Variants in MAPK8IP3 observed in about 807,000 individuals in gnomAD.
MAPK8IP3 encodes mitogen-activated protein kinase 8 interacting protein 3, also known as C-Jun-amino-terminal kinase-interacting protein 3.
In MAPK8IP3, 49 loss-of-function variants were observed where a neutral mutation model predicts 157.8. The ratio of observed to expected loss-of-function variants is 0.31; its 90% CI spans 0.25 to 0.39. The LOEUF (loss-of-function observed/expected upper bound fraction) is 0.39. Among genes scored for constraint, MAPK8IP3 ranks in the 10% least tolerant of loss-of-function variants. The probability of loss-of-function intolerance (pLI) is 1.00; values close to 1 mark genes in which losing one functional copy is unlikely to be tolerated. For synonymous variants in MAPK8IP3, 897 were observed against 777.7 expected (o/e 1.15, Z -2.55); for missense variants, 1,478 against 1,889.4 (o/e 0.78, Z 4.04).
chr16:1,762,160 C>T (rs948628632), intron 13 of MAPK8IP3, among the ~76,000 whole-genome samples, 191 bp from the exon 14 acceptor site: 7 of 152,234 alleles, frequency 4.6e-5, no homozygotes, highest in African/African-American at 1.7e-4. Flanking sequence ...CTGTCAGCAC[C>T]CAAGTCCTGG....
intron 2 of MAPK8IP3, among the ~76,000 whole-genome samples, chr16:1,726,256 G>C (rs942409936): frequency 2.0e-5 from 3 of 152,220 alleles, no homozygotes; most frequent in African/African-American, 7.2e-5. Context: ...TAAGACCCGT[G>C]CTGAGCATAC....
intron 16 of MAPK8IP3, among the ~76,000 whole-genome samples, chr16:1,763,456 G>A (rs926908028): frequency 2.0e-5 from 3 of 152,222 alleles, no homozygotes; most frequent in African/African-American, 4.8e-5. Context: ...GGGCATAGCC[G>A]GTGCCAGGAA....
chr16:1,727,619 T>C (rs755243950), intron 2 of MAPK8IP3, among the ~76,000 whole-genome samples: 7 of 152,128 alleles, frequency 4.6e-5, no homozygotes, highest in African/African-American at 7.2e-5. Flanking sequence ...AAGTCGTGCA[T>C]GTGAGGTGCT....
At chr16:1,717,046 G>A (rs555160938) in intron 1 of MAPK8IP3, among the ~76,000 whole-genome samples, 1 of 151,414 alleles carries the variant, frequency 6.6e-6, no homozygotes, top group Non-Finnish European at 1.5e-5. Context: ...GCAACAGAGC[G>A]AGATGCCGTC....
Position 1,769,086 on chromosome 16 carries a change from C to CA in MAPK8IP3, c.*263dup. The CA allele has an allele frequency of 1.9e-6, 1 of 522,310 alleles. No individual in the cohort carries two copies. The highest frequency in any genetic ancestry group is 3.5e-6 in the Non-Finnish European group (1 of 288,978). 32.4% of individuals were successfully genotyped at this position (522,310 alleles called of 1,614,324 possible). On this transcript the variant is annotated 3_prime_UTR_variant, in exon 32 of 32. Transcript: ENST00000610761. Reference sequence around the variant, plus strand: ...GGCAGCTCCTGGCCAGCTTCCAGCCCAGAGTCCTCAAGTCCAGGGCACCTT... The same window carrying CA: ...GGCAGCTCCTGGCCAGCTTCCAGCCCAAGAGTCCTCAAGTCCAGGGCACCTT...
Position 1,714,414 on chromosome 16 carries a change from C to T in MAPK8IP3, c.318+7757C>T, listed in dbSNP as rs1033062774. Among the ~76,000 whole-genome samples, 6 of 146,068 alleles carry T rather than the reference C, an allele frequency of 4.1e-5. No homozygotes were observed. The East Asian group carries it at 9.6e-4, about 23-fold the overall frequency. On this transcript the variant is annotated intron_variant, in intron 1 of 31. Transcript: ENST00000610761. Reference sequence around the variant, plus strand: ...TGCATTTTCTTTTGAGCCACTGTTACGGCAAGAGATCCAGGGCGTGCCACG... The same window carrying T: ...TGCATTTTCTTTTGAGCCACTGTTATGGCAAGAGATCCAGGGCGTGCCACG...
rs1337928604 is a variant in MAPK8IP3 at position 1,724,521 on chromosome 16, C to T, written c.319-36C>T. 5 of 1,608,882 alleles carry T rather than the reference C, an allele frequency of 3.1e-6. No homozygotes were observed. The highest frequency in any genetic ancestry group is 1.7e-5 in the Admixed American group (1 of 59,976). On this transcript the variant is annotated intron_variant, in intron 1 of 31. Transcript: ENST00000610761. This position sits in a 1 kb window ranked among gnomAD's most constrained non-coding sequence, Gnocchi z 4.1. ...GAAAGGCGGCTGCTCCACACTCACT[C>T]CTGATGACTGCTCTTTCCCTCCCTT...
At chr16:1,729,256 G>C in intron 3 of MAPK8IP3, 48 bp downstream of exon 3, 3 of 1,586,148 alleles carry the variant, frequency 1.9e-6, no homozygotes, top group Non-Finnish European at 2.6e-6. Flanking sequence ...AGACAGGGCC[G>C]CGGCCTGACG....
rs955167712 is a variant in MAPK8IP3, at chr16:1,710,274, C to T, written c.318+3617C>T. Among the ~76,000 whole-genome samples the T allele has an allele frequency of 4.0e-5, 6 of 150,734 alleles. No homozygotes were observed. Among genetic ancestry groups the T allele is most frequent in the Non-Finnish European group, 7.4e-5 (5 of 67,790 alleles). ...GGTCAGGAGTTTGAGACCAGCCTGGCGAACCTGGCGAAACCCTGTCTCTAC... is the reference window on the plus strand; with the variant it reads ...GGTCAGGAGTTTGAGACCAGCCTGGTGAACCTGGCGAAACCCTGTCTCTAC... On this transcript the variant is annotated intron_variant, in intron 1 of 31. Transcript: ENST00000610761. The surrounding 1 kb of genome is among the most constrained non-coding windows in gnomAD (Gnocchi z 4.1).
Position 1,762,971 on chromosome 16 carries a change from G to C in MAPK8IP3, c.1863G>C (p.Ser621=), listed in dbSNP as rs2294616. The C allele has an allele frequency of 0.13, 215,414 of 1,612,790 alleles. 16,037 individuals are homozygous for C. Among genetic ancestry groups the C allele is most frequent in the East Asian group, 0.3 (13,420 of 44,868 alleles). ...QRRNHAMCPI[S]AGSRPLEFFP... Reference sequence around the variant, plus strand: ...GCAACCATGCCATGTGCCCGATCTCGGCAGGCAGCCGGCCCCTGGAATTCT... The same window carrying C: ...GCAACCATGCCATGTGCCCGATCTCCGCAGGCAGCCGGCCCCTGGAATTCT... The change falls in exon 16 of 32, where the codon TCG becomes TCC. Residue 621 remains serine, a synonymous_variant. Transcript: ENST00000610761.
chr16:1,717,205 C>T (rs1378004521), intron 1 of MAPK8IP3, among the ~76,000 whole-genome samples: 1 of 142,486 alleles, frequency 7.0e-6, no homozygotes, highest in African/African-American at 2.6e-5. Flanking sequence ...CACTGCATTC[C>T]AGCCTGGGTG....
intron 8 of MAPK8IP3, among the ~76,000 whole-genome samples, chr16:1,750,074 T>C (rs902968234): frequency 6.6e-6 from 1 of 152,120 alleles, no homozygotes; most frequent in African/African-American, 2.4e-5. Context: ...TCTGTGGAAC[T>C]TTTCTCATGT....
At chr16:1,709,247 G>T (rs2037598046) in intron 1 of MAPK8IP3, among the ~76,000 whole-genome samples, 1 of 152,230 alleles carries the variant, frequency 6.6e-6, no homozygotes, top group African/African-American at 2.4e-5. Flanking sequence ...GCAGCTGAGT[G>T]TATGAGAGTG....
intron 2 of MAPK8IP3, among the ~76,000 whole-genome samples, chr16:1,725,850 AC>A (rs1203981366): frequency 6.6e-6 from 1 of 151,880 alleles, no homozygotes; most frequent in East Asian, 2.0e-4. Context: ...GGTGCCCGCC[AC>A]CACACCCAGC....
chr16:1,763,935 G>A, intron 17 of MAPK8IP3, 152 bp downstream of exon 17: 1 of 1,063,970 alleles, frequency 9.4e-7, no homozygotes, highest in South Asian at 1.7e-5. Flanking sequence ...TTCCTAGTGA[G>A]CCTCCTGGGC....
At position 1,724,577 on chromosome 16, in the gene MAPK8IP3, T is replaced by C; in HGVS notation, c.339T>C (p.Asp113=). 2 of 1,613,482 alleles carry C rather than the reference T, an allele frequency of 1.2e-6. No individual in the cohort carries two copies. The highest frequency in any genetic ancestry group is 2.7e-5 in the African/African-American group (2 of 75,078). The stretch of plus-strand genomic sequence containing the variant: ...CACAGAAATTCATTGAGTTTGAAGA[T>C]GCTCTGGAACAAGAGAAGAAAGAGC... ...QAEEKFIEFE[D]ALEQEKKELQ... The change falls in exon 2 of 32, where the codon GAT becomes GAC. Residue 113 remains aspartate (D), a synonymous_variant. Transcript: ENST00000610761. The surrounding 1 kb of genome is among the most constrained non-coding windows in gnomAD (Gnocchi z 4.1).
chr16:1,707,972 T>G (rs1032665825), intron 1 of MAPK8IP3: 1 of 152,222 alleles, frequency 6.6e-6, no homozygotes, highest in African/African-American at 2.4e-5. Context: ...ATCATAACAG[T>G]ATGTTGTATC....
intron 4 of MAPK8IP3, among the ~76,000 whole-genome samples, chr16:1,738,131 TCC>T (rs2040192649): frequency 1.2e-5 from 1 of 83,436 alleles, no homozygotes; most frequent in Non-Finnish European, 2.2e-5. Context: ...AGCGTGACTG[TCC>T]GTGTGTGTGA....
chr16:1,751,277 G>A lies in MAPK8IP3; in HGVS notation c.1216+2557G>A, dbSNP rs1384544642. Among the ~76,000 whole-genome samples the A allele has an allele frequency of 6.6e-6, 1 of 152,084 alleles. No individual in the cohort carries two copies. The highest frequency in any genetic ancestry group is 2.4e-5 in the African/African-American group (1 of 41,438). On this transcript the variant is annotated intron_variant, in intron 8 of 31. Transcript: ENST00000610761. This position sits in a 1 kb window ranked among gnomAD's most constrained non-coding sequence, Gnocchi z 5.0. ...TTGAGACCAGCCTGGCCAACATGGTGAAACCCATCTCTACTAAAAATACAA... is the reference window on the plus strand; with the variant it reads ...TTGAGACCAGCCTGGCCAACATGGTAAAACCCATCTCTACTAAAAATACAA...
Sources: allele counts gnomAD v4.1 joint callset (sites outside exome capture counted in the v4.1 genomes callset), GRCh38; gene constraint gnomAD v4.1.1; non-coding constraint Gnocchi (gnomAD v3.1); transcripts MANE v1.5; gene names NCBI Gene and HGNC (gene_info 2026-07-23, HGNC 2026-07-21).